CD44: variants seen among roughly 807,000 people sequenced by gnomAD.
The protein encoded by CD44 is CD44 molecule (IN blood group).
A neutral mutation model predicts 88.8 loss-of-function variants in CD44; 49 were observed. That is an observed-to-expected ratio of 0.55 (90% CI 0.44 to 0.70). CD44 has a LOEUF of 0.70. Among genes scored for constraint, CD44 ranks in the 30% least tolerant of loss-of-function variants. CD44 has a pLI of 0.00. For missense variants in CD44, 883 were observed against 913.8 expected, an observed-to-expected ratio of 0.97 and a Z score of 0.43; for synonymous variants, 325 against 312.3, an observed-to-expected ratio of 1.04 and a Z score of -0.43.
At chr11:35,148,672 A>G (rs1430143814) in intron 1 of CD44, among the ~76,000 whole-genome samples, 4 of 152,262 alleles carry the variant, frequency 2.6e-5, no homozygotes, top group African/African-American at 7.2e-5. Context: ...AAAGCTCCTT[A>G]GGGAAAAGCC....
At chr11:35,145,371 TAAGTGAGAACC>T (rs1426835222) in intron 1 of CD44, among the ~76,000 whole-genome samples, 3 of 152,200 alleles carry the variant, frequency 2.0e-5, no homozygotes, top group African/African-American at 7.2e-5. Flanking sequence ...CATTTATGTG[TAAGTGAGAACC>T]ATGGTGATGG....
At chr11:35,191,751 T>A (rs1370533025) in intron 5 of CD44, among the ~76,000 whole-genome samples, 2 of 152,234 alleles carry the variant, frequency 1.3e-5, no homozygotes, top group Non-Finnish European at 2.9e-5. Flanking sequence ...AAATAGTATT[T>A]CATGTGTGTT....
chr11:35,140,729 G>A (rs564821916), intron 1 of CD44, among the ~76,000 whole-genome samples: 2 of 152,180 alleles, frequency 1.3e-5, no homozygotes, highest in African/African-American at 2.4e-5. Flanking sequence ...AATAATGATA[G>A]CAACAACACA....
chr11:35,157,127 A>T (rs1302406453), intron 1 of CD44, among the ~76,000 whole-genome samples: 2 of 152,202 alleles, frequency 1.3e-5, no homozygotes, highest in Non-Finnish European at 2.9e-5. Flanking sequence ...CAATGCCTGG[A>T]TCTTTTCCTA....
chr11:35,182,941 C>T (rs1292811369), intron 3 of CD44, among the ~76,000 whole-genome samples: 1 of 152,164 alleles, frequency 6.6e-6, no homozygotes, highest in Non-Finnish European at 1.5e-5. Context: ...GGCATCGAAG[C>T]CATCTAGGCA....
At chr11:35,146,247 G>A (rs1319712253) in intron 1 of CD44, among the ~76,000 whole-genome samples, 1 of 152,210 alleles carries the variant, frequency 6.6e-6, no homozygotes, top group African/African-American at 2.4e-5. Context: ...TCAGGTCCCA[G>A]AAACTTTCAG....
At chr11:35,173,324 G>A (rs1944115529) in intron 1 of CD44, among the ~76,000 whole-genome samples, 1 of 152,210 alleles carries the variant, frequency 6.6e-6, no homozygotes, top group South Asian at 2.1e-4. Context: ...CGGAAGGTCT[G>A]TCATGTAGAT....
chr11:35,215,890 A>G (rs1179324458), intron 15 of CD44, among the ~76,000 whole-genome samples: 1 of 150,680 alleles, frequency 6.6e-6, no homozygotes, highest in East Asian at 1.9e-4. Flanking sequence ...CCAAAAAACA[A>G]AAAACAAAAA....
intron 17 of CD44, chr11:35,222,418 C>G (rs532590448): frequency 1.5e-6 from 2 of 1,295,332 alleles, no homozygotes. Flanking sequence ...ACTGTTTCAT[C>G]GTCTTCTTGC....
Position 35,221,636 on chromosome 11 carries a change from T to C in CD44, c.1946-18T>C, listed in dbSNP as rs375320053. On this transcript the variant is annotated intron_variant, in intron 16 of 17. Transcript: ENST00000428726. Reference sequence around the variant, plus strand: ...TGTCTCTGAAGCTCACGCATGTCATTTAATTTACTCATACCAGAATGGCTG... The same window carrying C: ...TGTCTCTGAAGCTCACGCATGTCATCTAATTTACTCATACCAGAATGGCTG... The C allele has an allele frequency of 5.6e-6, 9 of 1,609,724 alleles. No individual in the cohort carries two copies. The African/African-American group carries it at 1.1e-4, about 19-fold the overall frequency.
In CD44 at chr11:35,204,545, C is replaced by G. The variant is rs766388458; in HGVS notation, c.1187C>G (p.Thr396Arg). 1 of 1,613,398 alleles carries G rather than the reference C, an allele frequency of 6.2e-7. No individual in the cohort carries two copies. Among genetic ancestry groups the G allele is most frequent in the Admixed American group, 1.7e-5 (1 of 59,998 alleles). The change falls in exon 10 of 18, where the codon ACA becomes AGA. Residue 396 changes from threonine to arginine, a missense_variant. By Grantham distance (71) the Thr-to-Arg change is moderately conservative. Transcript: ENST00000428726. Reference sequence around the variant, plus strand: ...ACTCCTAGTAGTACAACGGAAGAAACAGCTACCCAGAAGGAACAGTGGTTT... The same window carrying G: ...ACTCCTAGTAGTACAACGGAAGAAAGAGCTACCCAGAAGGAACAGTGGTTT... ...QATPSSTTEE[T>R]ATQKEQWFGN... is the part of the protein sequence containing the mutation.
intron 5 of CD44, 95 bp downstream of exon 5, chr11:35,190,160 T>C: frequency 9.1e-7 from 1 of 1,093,188 alleles, no homozygotes; most frequent in Non-Finnish European, 1.4e-6. Context: ...GCTGATTTTC[T>C]CGTCTCTAGA....
At position 35,139,337 on chromosome 11, in the gene CD44, C is replaced by T. The variant is rs756708345; in HGVS notation, c.34C>T (p.Leu12Phe). The change falls in exon 1 of 18, where the codon CTC becomes TTC. Residue 12 changes from leucine to phenylalanine, a missense_variant. Around this residue, in one of 2 missense-constraint regions of CD44, gnomAD observed 252 missense variants for 322.9 expected, o/e 0.78. Transcript: ENST00000428726. The stretch of plus-strand genomic sequence containing the variant: ...GTTTTGGTGGCACGCAGCCTGGGGA[C>T]TCTGCCTCGTGCCGCTGAGCCTGGC... ...DKFWWHAAWG[L>F]CLVPLSLAQI... is the part of the protein sequence containing the mutation. 1.4e-5 allele frequency: 22 copies of T among 1,562,248 alleles called. No individual in the cohort carries two copies. Among genetic ancestry groups the T allele is most frequent in the Middle Eastern group, 1.7e-4 (1 of 6,006 alleles).
intron 5 of CD44, 178 bp downstream of exon 5, chr11:35,190,243 C>A: frequency 3.3e-6 from 2 of 607,972 alleles, no homozygotes; most frequent in East Asian, 2.7e-5. Flanking sequence ...GCATTGACTA[C>A]TACTGCCTAC....
At chr11:35,168,359 C>T (rs1052488923) in intron 1 of CD44, among the ~76,000 whole-genome samples, 5 of 152,230 alleles carry the variant, frequency 3.3e-5, no homozygotes, top group African/African-American at 9.6e-5. Context: ...AAGTTACTTA[C>T]ATCTTCTCAA....
chr11:35,144,323 A>C (rs185925557), intron 1 of CD44, among the ~76,000 whole-genome samples: 1 of 152,328 alleles, frequency 6.6e-6, no homozygotes, highest in East Asian at 1.9e-4. Context: ...GAATGAGCTG[A>C]AGCAGGTGGC....
chr11:35,164,708 G>A (rs926818029), intron 1 of CD44, among the ~76,000 whole-genome samples: 5 of 152,248 alleles, frequency 3.3e-5, no homozygotes, highest in African/African-American at 9.6e-5. Flanking sequence ...TCTGCAGAGT[G>A]AGCAAGGGAC....
chr11:35,221,677 C>T lies in CD44; in HGVS notation c.1969C>T (p.Leu657Phe), dbSNP rs367748482. ...IPEWLIILASLLALALILAVC... is the reference protein window; with the variant it reads ...IPEWLIILASFLALALILAVC... ...AGAATGGCTGATCATCTTGGCATCC[C>T]TCTTGGCCTTGGCTTTGATTCTTGC... is the stretch of plus-strand genomic sequence containing the variant. The change falls in exon 17 of 18, where the codon CTC becomes TTC. Residue 657 changes from leucine to phenylalanine, a missense_variant. Around this residue, in one of 2 missense-constraint regions of CD44, gnomAD observed 631 missense variants for 590.9 expected, o/e 1.07. Transcript: ENST00000428726. 1.2e-6 allele frequency: 2 copies of T among 1,614,082 alleles called. No individual in the cohort carries two copies. Among genetic ancestry groups the T allele is most frequent in the African/African-American group, 2.7e-5 (2 of 75,042 alleles).
chr11:35,145,648 ACCTTGGGGTTC>A (rs1175265894), intron 1 of CD44, among the ~76,000 whole-genome samples: 1 of 152,154 alleles, frequency 6.6e-6, no homozygotes, highest in Non-Finnish European at 1.5e-5. Context: ...AGCAGCAGCC[ACCTTGGGGTTC>A]TAGTTATTTT....
Sources: allele counts gnomAD v4.1 joint callset (sites outside exome capture counted in the v4.1 genomes callset), GRCh38; gene constraint gnomAD v4.1.1; regional missense constraint gnomAD v4.1.1; transcripts MANE v1.5; gene names NCBI Gene and HGNC (gene_info 2026-07-23, HGNC 2026-07-21).